The following PATJ variants were observed in gnomAD, a reference collection of about 807,000 sequenced individuals.
PATJ encodes inaD-like protein.
A neutral mutation model predicts 224.9 loss-of-function variants in PATJ; 190 were observed. The observed-to-expected ratio is 0.84, with a 90% CI of 0.75 to 0.95. The LOEUF is 0.95. PATJ is among the 40% of genes least tolerant of loss of function. The probability of loss-of-function intolerance (pLI) is 0.00; values close to 1 mark genes in which losing one functional copy is unlikely to be tolerated. For synonymous variants in PATJ, 769 were observed against 820.3 expected (o/e 0.94, Z 1.07); for missense variants, 2,121 against 2,270.3 (o/e 0.93, Z 1.34).
Position 62,161,012 on chromosome 1 carries a change from A to G in PATJ, c.5607A>G (p.Leu1869=), listed in dbSNP as rs971678727. The change falls in exon 44 of 44, where the codon CTA becomes CTG. Residue 1869 remains leucine (L), a synonymous_variant. Transcript: ENST00000642238. ...CTCATGAGCAAGCAGTCGCCATTCTAAAACACCAGAGAGGGACTGTAACCT... is the reference window on the plus strand; with the variant it reads ...CTCATGAGCAAGCAGTCGCCATTCTGAAACACCAGAGAGGGACTGTAACCT... ...GVTHEQAVAI[L]KHQRGTVTLT... The G allele has an allele frequency of 1.2e-6, 2 of 1,606,692 alleles. No homozygotes were observed. The highest frequency in any genetic ancestry group is 1.7e-6 in the Non-Finnish European group (2 of 1,176,846).
At chr1:61,797,251 T>A (rs780946913) in intron 10 of PATJ, 36 bp from the exon 11 acceptor site, 2 of 1,586,616 alleles carry the variant, frequency 1.3e-6, no homozygotes, top group East Asian at 2.3e-5. Context: ...GTAGCTAATT[T>A]AAAACCTCTG....
chr1:61,849,349 AC>A (rs1196937989), intron 17 of PATJ, among the ~76,000 whole-genome samples: 1 of 152,164 alleles, frequency 6.6e-6, no homozygotes, highest in East Asian at 1.9e-4. Context: ...TAATCCCAGT[AC>A]TTTGGGAGGC....
intron 27 of PATJ, among the ~76,000 whole-genome samples, chr1:61,971,059 G>GT (rs906281926): frequency 9.7e-4 from 147 of 152,238 alleles, no homozygotes; most frequent in Middle Eastern, 3.4e-3. Context: ...AGTTTTTAAA[G>GT]TTTTTTTCAC....
intron 14 of PATJ, among the ~76,000 whole-genome samples, chr1:61,815,556 C>T (rs1231952349): frequency 1.3e-5 from 2 of 152,112 alleles, no homozygotes; most frequent in African/African-American, 4.8e-5. Flanking sequence ...GGGATGATTC[C>T]AGAAGCATCT....
chr1:61,821,482 G>A (rs921936777), intron 14 of PATJ, among the ~76,000 whole-genome samples: 9 of 152,174 alleles, frequency 5.9e-5, no homozygotes, highest in East Asian at 3.9e-4. Context: ...CCTCATGTGC[G>A]TGTTGAGGTC....
chr1:62,101,015 C>G (rs1203748122), intron 33 of PATJ, among the ~76,000 whole-genome samples: 1 of 152,108 alleles, frequency 6.6e-6, no homozygotes, highest in Non-Finnish European at 1.5e-5. Context: ...AAGCATAACC[C>G]TCAAGCACTT....
intron 23 of PATJ, among the ~76,000 whole-genome samples, chr1:61,900,682 C>T (rs1271644572): frequency 2.6e-5 from 4 of 151,982 alleles, no homozygotes; most frequent in African/African-American, 7.2e-5. Flanking sequence ...CTCTGCCTCC[C>T]GGGTTCACGC....
At chr1:62,059,946 G>T (rs1225238547) in intron 31 of PATJ, among the ~76,000 whole-genome samples, 1 of 152,168 alleles carries the variant, frequency 6.6e-6, no homozygotes, top group Non-Finnish European at 1.5e-5. Context: ...GTGGCTGGTT[G>T]ATGCTATTTA....
intron 14 of PATJ, 132 bp from the exon 15 acceptor site, chr1:61,822,813 T>C (rs1657548470): frequency 2.0e-6 from 2 of 1,013,482 alleles, no homozygotes; most frequent in Admixed American, 2.3e-5. Context: ...TTTCCTATTA[T>C]TGTCCTCTTT....
At chr1:61,930,394 C>T (rs1675844941) in intron 27 of PATJ, among the ~76,000 whole-genome samples, 3 of 152,164 alleles carry the variant, frequency 2.0e-5, no homozygotes, top group South Asian at 4.1e-4. Context: ...AAAAGTATTT[C>T]GGGTTGCTGT....
intron 22 of PATJ, among the ~76,000 whole-genome samples, chr1:61,892,923 C>T (rs1669809858): frequency 6.6e-6 from 1 of 152,130 alleles, no homozygotes; most frequent in South Asian, 2.1e-4. Flanking sequence ...GAGTTTCTAA[C>T]TGATTGAGCT....
At chr1:61,956,155 C>A (rs1680414550) in intron 27 of PATJ, among the ~76,000 whole-genome samples, 1 of 152,188 alleles carries the variant, frequency 6.6e-6, no homozygotes, top group South Asian at 2.1e-4. Flanking sequence ...CCAGGCTTCT[C>A]AGCACAAACT....
At position 61,990,044 on chromosome 1, in the gene PATJ, C is replaced by G. The variant is rs1229978138; in HGVS notation, c.3671-124C>G. 9 of 714,582 alleles carry G rather than the reference C, an allele frequency of 1.3e-5. 1 individual carries two copies. The South Asian group carries it at 1.6e-4, about 13-fold the overall frequency. The allele number at this position is 714,582 out of a possible 1,614,324, so 44.3% of individuals were successfully genotyped here. ...CCAGTCTGCGCAATATAGCAAGACT[C>G]TGTCTCTTAAAAAACAAAAAAGGTA... On this transcript the variant is annotated intron_variant, in intron 27 of 43. Coordinates refer to ENST00000642238, the MANE Select transcript of PATJ (RefSeq NM_001350145.3).
intron 30 of PATJ, chr1:62,038,886 T>TC: frequency 1.2e-6 from 1 of 828,996 alleles, no homozygotes; most frequent in Admixed American, 1.7e-5. Flanking sequence ...CAATGAAGAA[T>TC]CCCTCCATTG....
intron 27 of PATJ, among the ~76,000 whole-genome samples, chr1:61,989,793 ACTT>A (rs2149541789): frequency 6.6e-6 from 1 of 152,302 alleles, no homozygotes; most frequent in South Asian, 2.1e-4. Context: ...GGTGAGTTAA[ACTT>A]CTTAGGAGGA....
At chr1:62,123,469 C>CTTTTTTTT (rs34621846) in intron 39 of PATJ, among the ~76,000 whole-genome samples, 1 of 64,538 alleles carries the variant, frequency 1.5e-5, no homozygotes, top group Non-Finnish European at 2.6e-5. Flanking sequence ...CTATAAGTTT[C>CTTTTTTTT]TTTTTTTTTT....
intron 29 of PATJ, among the ~76,000 whole-genome samples, chr1:62,028,492 A>G (rs577316968): frequency 5.9e-5 from 9 of 152,304 alleles, no homozygotes; most frequent in African/African-American, 2.2e-4. Flanking sequence ...CCTTAATCAT[A>G]TACAGGGTGA....
At chr1:62,051,418 C>T (rs972498437) in intron 31 of PATJ, among the ~76,000 whole-genome samples, 1 of 152,160 alleles carries the variant, frequency 6.6e-6, no homozygotes, top group Admixed American at 6.5e-5. Context: ...CATCTGCCTC[C>T]CAGGTTCAAG....
At chr1:62,006,932 T>C (rs1252202623) in intron 28 of PATJ, among the ~76,000 whole-genome samples, 1 of 152,192 alleles carries the variant, frequency 6.6e-6, no homozygotes, top group Non-Finnish European at 1.5e-5. Flanking sequence ...AGGCTATTGT[T>C]CCCAGGCTAT....
Sources: gnomAD v4.1 joint callset for allele counts (sites outside exome capture counted in the v4.1 genomes callset) on GRCh38, gnomAD v4.1.1 for gene constraint, MANE v1.5 for transcripts, NCBI Gene and HGNC (gene_info 2026-07-23, HGNC 2026-07-21) for gene names.